DEPDC5: variants seen among roughly 807,000 people sequenced by gnomAD.
DEPDC5 encodes the protein DEP domain containing 5, GATOR1 subcomplex subunit.
A neutral mutation model predicts 217.3 loss-of-function variants in DEPDC5; 73 were observed. The observed-to-expected ratio is 0.34, with a 90% CI of 0.28 to 0.41. The LOEUF (loss-of-function observed/expected upper bound fraction) is 0.41. DEPDC5 is among the 10% of genes least tolerant of loss of function. The pLI is 1.00. For missense variants in DEPDC5, 1,675 were observed against 2,070.1 expected (o/e 0.81, Z 3.70); for synonymous variants, 733 against 756.7 (o/e 0.97, Z 0.51).
intron 40 of DEPDC5, among the ~76,000 whole-genome samples, chr22:31,900,538 A>G (rs1233292647): frequency 6.6e-6 from 1 of 151,332 alleles, no homozygotes; most frequent in Non-Finnish European, 1.5e-5. Flanking sequence ...CAGCAGTTCA[A>G]GACCAGCCTG....
chr22:31,770,600 G>C lies in DEPDC5; in HGVS notation c.413+1737G>C, dbSNP rs539916185. On this transcript the variant is annotated intron_variant, in intron 7 of 42. Transcript: ENST00000651528. ...GTAGAGACGGAGTTTCACCATGTTG[G>C]TCAGGCTGGTCTCGAACTCCTGACC... is the stretch of plus-strand genomic sequence containing the variant. 7.5e-5 allele frequency among the ~76,000 whole-genome samples: 11 copies of C among 147,490 alleles called. No homozygotes were observed. In the South Asian group the frequency reaches 2.4e-3, roughly 32 times the overall value.
Position 31,838,032 on chromosome 22 carries a change from G to A in DEPDC5, c.2355-653G>A, listed in dbSNP as rs1317297442. On this transcript the variant is annotated intron_variant, in intron 26 of 42. Coordinates refer to ENST00000651528, the MANE Select transcript of DEPDC5 (RefSeq NM_001242896.3). The stretch of plus-strand genomic sequence containing the variant: ...TAATTTTATGATGTAAGAACTGTTC[G>A]TTTCTCCAGAGTTCTATTGACATCA... Among the ~76,000 whole-genome samples, 4 of 152,066 alleles carry A rather than the reference G, an allele frequency of 2.6e-5. No homozygotes were observed. In the South Asian group the frequency reaches 6.2e-4, roughly 24 times the overall value.
At chr22:31,810,764 GTTTT>G in intron 20 of DEPDC5, 123 bp downstream of exon 20, 2 of 1,487,824 alleles carry the variant, frequency 1.3e-6, no homozygotes, top group Non-Finnish European at 1.8e-6. Context: ...TTTCGTTTTG[GTTTT>G]TTGTTTGTTT....
At chr22:31,841,164 A>G (rs1028500683) in intron 27 of DEPDC5, among the ~76,000 whole-genome samples, 3 of 152,258 alleles carry the variant, frequency 2.0e-5, no homozygotes, top group Non-Finnish European at 4.4e-5. Context: ...AGATCACACA[A>G]GCTGGCAAGT....
rs374014925 is a variant in DEPDC5 at position 31,832,267 on chromosome 22, C to T, written c.2105-1648C>T. Among the ~76,000 whole-genome samples the T allele has an allele frequency of 1.3e-4, 20 of 152,264 alleles. No individual in the cohort carries two copies. The South Asian group carries it at 1.7e-3, about 13-fold the overall frequency. ...ATTTTATATGAACAAAGTTTTCGTA[C>T]GAACTTAAGTTTTCATTTTTCTTGT... On this transcript the variant is annotated intron_variant, in intron 24 of 42. Transcript: ENST00000651528.
chr22:31,870,189 T>G (rs1369175497), intron 33 of DEPDC5, among the ~76,000 whole-genome samples: 1 of 152,232 alleles, frequency 6.6e-6, no homozygotes, highest in Admixed American at 6.5e-5. Context: ...CTTTCAGTCC[T>G]GCTGTCCTCA....
At chr22:31,847,096 G>A in intron 31 of DEPDC5, 129 bp downstream of exon 31, 1 of 1,367,442 alleles carries the variant, frequency 7.3e-7, no homozygotes. Context: ...AGGCATTTAT[G>A]TGAAAAGGAA....
intron 2 of DEPDC5, among the ~76,000 whole-genome samples, chr22:31,756,284 C>G (rs1004598176): frequency 6.6e-6 from 1 of 152,148 alleles, no homozygotes; most frequent in Non-Finnish European, 1.5e-5. Flanking sequence ...ACAATAGTTT[C>G]TCTATCATAG....
At chr22:31,756,775 G>T (rs889292887) in intron 2 of DEPDC5, among the ~76,000 whole-genome samples, 1 of 151,834 alleles carries the variant, frequency 6.6e-6, no homozygotes, top group African/African-American at 2.4e-5. Context: ...ACAAAAATTA[G>T]CCAGGTGTGG....
At chr22:31,772,778 A>G (rs1484503806) in intron 7 of DEPDC5, among the ~76,000 whole-genome samples, 1 of 149,906 alleles carries the variant, frequency 6.7e-6, no homozygotes, top group Non-Finnish European at 1.5e-5. Context: ...TAAATTATAT[A>G]TATATTATAT....
At chr22:31,779,833 C>T (rs1306106282) in intron 8 of DEPDC5, among the ~76,000 whole-genome samples, 2 of 152,080 alleles carry the variant, frequency 1.3e-5, no homozygotes, top group African/African-American at 4.8e-5. Flanking sequence ...ATTCCATGAT[C>T]CACCAAGAGC....
At chr22:31,791,947 AAAAAG>A in intron 10 of DEPDC5, 81 bp from the exon 11 acceptor site, 1 of 658,410 alleles carries the variant, frequency 1.5e-6, no homozygotes, top group Non-Finnish European at 2.3e-6. Flanking sequence ...AAAAAAAAAA[AAAAAG>A]AATATTATAT....
At chr22:31,768,342 T>G (rs189878898) in intron 6 of DEPDC5, among the ~76,000 whole-genome samples, 141 of 152,250 alleles carry the variant, frequency 9.3e-4, no homozygotes, top group Middle Eastern at 3.4e-3. Context: ...AGAAATGAAG[T>G]TTTTGTATAC....
intron 38 of DEPDC5, among the ~76,000 whole-genome samples, chr22:31,886,951 C>T (rs1245780897): frequency 2.0e-5 from 3 of 151,336 alleles, no homozygotes; most frequent in Non-Finnish European, 4.4e-5. Context: ...GGCGTGGTGG[C>T]GTGTGCCTGT....
chr22:31,829,006 C>CGTTT (rs2090381944), intron 24 of DEPDC5, among the ~76,000 whole-genome samples: 1 of 152,208 alleles, frequency 6.6e-6, no homozygotes, highest in South Asian at 2.1e-4. Context: ...GTGATGAAAA[C>CGTTT]AACCAGGATC....
intron 22 of DEPDC5, among the ~76,000 whole-genome samples, chr22:31,819,591 C>T (rs570936483): frequency 6.6e-6 from 1 of 151,938 alleles, no homozygotes; most frequent in East Asian, 1.9e-4. Context: ...ACCTCAGCCT[C>T]CCAAGTAGCT....
intron 25 of DEPDC5, among the ~76,000 whole-genome samples, chr22:31,836,023 G>A (rs1164501957): frequency 1.3e-5 from 2 of 152,220 alleles, no homozygotes; most frequent in African/African-American, 4.8e-5. Context: ...GCTTCGTATT[G>A]CTCCCTTCTT....
intron 20 of DEPDC5, 106 bp downstream of exon 20, chr22:31,810,747 T>C: frequency 6.5e-7 from 1 of 1,537,970 alleles, no homozygotes; most frequent in African/African-American, 1.4e-5. Flanking sequence ...TGTTTTGTTT[T>C]GTTTTGTTTC....
rs865860087 is a variant in DEPDC5 at position 31,873,284 on chromosome 22, C to T, written c.3515C>T (p.Thr1172Ile). 1 of 1,614,098 alleles carries T rather than the reference C, an allele frequency of 6.2e-7. No homozygotes were observed. The highest frequency in any genetic ancestry group is 8.5e-7 in the Non-Finnish European group (1 of 1,179,986). Reference protein sequence around the residue: ...SSQQLVASSLTSSSTLTEILE... With the variant: ...SSQQLVASSLISSSTLTEILE... ...CAGCAGCTGGTGGCAAGCTCCTTGA[C>T]CTCATCCTCTACCCTGACAGAGATC... The change falls in exon 35 of 43, where the codon ACC (threonine) becomes ATC (isoleucine). Residue 1172 changes from threonine (T) to isoleucine (I), a missense_variant. Thr to Ile is a moderately conservative substitution (Grantham distance 89, BLOSUM62 -1). Transcript: ENST00000651528.
Sources: gnomAD v4.1 joint callset for allele counts (sites outside exome capture counted in the v4.1 genomes callset) on GRCh38, gnomAD v4.1.1 for gene constraint, MANE v1.5 for transcripts, NCBI Gene and HGNC (gene_info 2026-07-23, HGNC 2026-07-21) for gene names.